ITGA9: variants seen among roughly 807,000 people sequenced by gnomAD.
ITGA9 encodes the protein integrin alpha-9.
Under a neutral mutation model 127.8 loss-of-function variants are expected in ITGA9, and 56 were observed. The ratio of observed to expected loss-of-function variants is 0.44; its 90% confidence interval spans 0.35 to 0.55. ITGA9 has a LOEUF of 0.55. Among genes scored for constraint, ITGA9 ranks in the 20% least tolerant of loss-of-function variants. ITGA9 has a pLI of 0.00. For missense variants in ITGA9, 1,196 were observed against 1,347.1 expected, an observed-to-expected ratio of 0.89 and a Z score of 1.76; for synonymous variants, 508 against 514.5, an observed-to-expected ratio of 0.99 and a Z score of 0.17.
rs183624142 is a variant in ITGA9, at chr3:37,565,323, G to A, written c.1689+22738G>A. Among the ~76,000 whole-genome samples the A allele has an allele frequency of 5.3e-5, 8 of 152,330 alleles. No homozygotes were observed. The East Asian group carries it at 1.5e-3, about 29-fold the overall frequency. On this transcript the variant is annotated intron_variant, in intron 15 of 27. Coordinates refer to ENST00000264741, the MANE Select transcript of ITGA9 (RefSeq NM_002207.3). ...TAGGTTGGCAGATGCAAGCACACAT[G>A]CCTCCTATAGTGTTGTCCTAGACTG... is the stretch of plus-strand genomic sequence containing the variant.
chr3:37,737,270 G>A (rs1476069347), intron 20 of ITGA9, among the ~76,000 whole-genome samples: 2 of 152,218 alleles, frequency 1.3e-5, no homozygotes, highest in African/African-American at 4.8e-5. Flanking sequence ...GGGGGGTGAG[G>A]CTCTAGTCCA....
chr3:37,704,191 G>A (rs535781570), intron 18 of ITGA9, among the ~76,000 whole-genome samples: 17 of 152,260 alleles, frequency 1.1e-4, no homozygotes, highest in South Asian at 6.2e-4. Flanking sequence ...GGGGCAATGG[G>A]CAAGGAAGCA....
chr3:37,563,885 T>C (rs540426499), intron 15 of ITGA9, among the ~76,000 whole-genome samples: 6 of 152,210 alleles, frequency 3.9e-5, no homozygotes, highest in Non-Finnish European at 8.8e-5. Context: ...TATGGGACAG[T>C]CCTTCCTTGA....
chr3:37,780,226 A>T (rs553194471), intron 25 of ITGA9, among the ~76,000 whole-genome samples: 1 of 152,282 alleles, frequency 6.6e-6, no homozygotes, highest in South Asian at 2.1e-4. Flanking sequence ...TCTTATATGA[A>T]TATATTGTAT....
chr3:37,732,392 G>A (rs972299030), intron 18 of ITGA9, among the ~76,000 whole-genome samples: 1 of 152,056 alleles, frequency 6.6e-6, no homozygotes, highest in Non-Finnish European at 1.5e-5. Flanking sequence ...AAGATGACAG[G>A]GTTGCCTTTT....
intron 3 of ITGA9, among the ~76,000 whole-genome samples, chr3:37,479,667 A>T (rs1698531401): frequency 6.6e-6 from 1 of 152,216 alleles, no homozygotes; most frequent in African/African-American, 2.4e-5. Flanking sequence ...AAGAGGATAA[A>T]GTCACCAGGC....
intron 16 of ITGA9, among the ~76,000 whole-genome samples, chr3:37,645,991 A>G (rs566553898): frequency 6.6e-6 from 1 of 152,340 alleles, no homozygotes; most frequent in African/African-American, 2.4e-5. Flanking sequence ...CTTGGTGACC[A>G]TGGCACTGTA....
At chr3:37,532,666 C>T (rs957063001) in intron 13 of ITGA9, among the ~76,000 whole-genome samples, 2 of 152,112 alleles carry the variant, frequency 1.3e-5, no homozygotes, top group African/African-American at 4.8e-5. Flanking sequence ...GGGAGATGGT[C>T]CATGGCAGGG....
chr3:37,609,689 C>T (rs961085591), intron 15 of ITGA9, among the ~76,000 whole-genome samples: 7 of 152,182 alleles, frequency 4.6e-5, no homozygotes, highest in African/African-American at 1.7e-4. Context: ...GGACAGGGCA[C>T]ATTGGGGATG....
intron 15 of ITGA9, among the ~76,000 whole-genome samples, chr3:37,617,434 ATG>A (rs1700085398): frequency 6.6e-6 from 1 of 152,084 alleles, no homozygotes; most frequent in Non-Finnish European, 1.5e-5. Context: ...TCTGACAATT[ATG>A]TGTCTTAGAG....
intron 13 of ITGA9, among the ~76,000 whole-genome samples, chr3:37,529,687 A>G (rs2844360): frequency 0.59 from 89,016 of 152,090 alleles, 26,501 homozygotes; most frequent in East Asian, 0.82. Context: ...CCTCAGCTTC[A>G]CCCTCATCTA....
At chr3:37,809,088 CTTT>C (rs1208683122) in intron 27 of ITGA9, among the ~76,000 whole-genome samples, 8 of 133,438 alleles carry the variant, frequency 6.0e-5, no homozygotes, top group Admixed American at 7.6e-5. Context: ...AAAATCTTTT[CTTT>C]TTTTTTTTTT....
intron 3 of ITGA9, among the ~76,000 whole-genome samples, chr3:37,474,654 T>C (rs1698473632): frequency 6.6e-6 from 1 of 152,214 alleles, no homozygotes; most frequent in Non-Finnish European, 1.5e-5. Context: ...TATTCTGACA[T>C]AGGCTTTCTC....
intron 23 of ITGA9, among the ~76,000 whole-genome samples, chr3:37,751,253 G>C (rs1453368233): frequency 3.3e-5 from 5 of 152,188 alleles, no homozygotes; most frequent in Non-Finnish European, 7.3e-5. Flanking sequence ...TTCCATTCCA[G>C]TTCCATGGCA....
chr3:37,453,053 G>T (rs1310716652), intron 1 of ITGA9, among the ~76,000 whole-genome samples: 3 of 152,056 alleles, frequency 2.0e-5, no homozygotes, highest in African/African-American at 4.8e-5. Flanking sequence ...GCGCGGGGTG[G>T]GGCTCCCCAG....
At chr3:37,619,675 G>T (rs1028122349) in intron 15 of ITGA9, among the ~76,000 whole-genome samples, 2 of 152,172 alleles carry the variant, frequency 1.3e-5, no homozygotes, top group Admixed American at 1.3e-4. Context: ...TGTCAGTTAG[G>T]AGTCTGAGCA....
At chr3:37,749,152 G>A (rs1696548616) in intron 22 of ITGA9, 1 of 202,716 alleles carries the variant, frequency 4.9e-6, no homozygotes, top group Non-Finnish European at 9.8e-6. Context: ...AGGCACCAGG[G>A]GAAAATCCAC....
intron 23 of ITGA9, among the ~76,000 whole-genome samples, chr3:37,773,889 A>C (rs1049806881): frequency 6.6e-6 from 1 of 152,210 alleles, no homozygotes; most frequent in African/African-American, 2.4e-5. Flanking sequence ...GAATGCTTAA[A>C]ATTTTATAAG....
intron 18 of ITGA9, among the ~76,000 whole-genome samples, chr3:37,707,539 T>G (rs1297188288): frequency 6.6e-6 from 1 of 152,214 alleles, no homozygotes; most frequent in Admixed American, 6.5e-5. Context: ...TATGTTTTTC[T>G]GTGTTCAGAA....
Sources: allele counts gnomAD v4.1 joint callset (sites outside exome capture counted in the v4.1 genomes callset), GRCh38; gene constraint gnomAD v4.1.1; transcripts MANE v1.5; gene names NCBI Gene and HGNC (gene_info 2026-07-23, HGNC 2026-07-21).